The following NEDD9 variants were observed in gnomAD, a reference collection of about 807,000 sequenced individuals.
NEDD9 encodes neural precursor cell expressed, developmentally down-regulated 9.
Under a neutral mutation model 76.6 loss-of-function variants are expected in NEDD9, and 26 were observed. The observed-to-expected ratio is 0.34, with a 90% CI of 0.25 to 0.47. The LOEUF (loss-of-function observed/expected upper bound fraction) is 0.47. Ranked by LOEUF, NEDD9 falls within the 20% of genes least tolerant of loss-of-function variation. The pLI is 1.00. For missense variants in NEDD9, 937 were observed against 1,058.5 expected (o/e 0.89, Z 1.59); for synonymous variants, 392 against 414.2 (o/e 0.95, Z 0.65).
chr6:11,255,259 T>G (rs1759980708), intron 3 of NEDD9, among the ~76,000 whole-genome samples: 1 of 152,216 alleles, frequency 6.6e-6, no homozygotes, highest in Non-Finnish European at 1.5e-5. Context: ...TAAGAATGTG[T>G]GGTCGGAGGG....
rs377437855 is a variant in NEDD9, at chr6:11,185,709, G to A, written c.1996-38C>T. 31 of 1,606,140 alleles carry A rather than the reference G, an allele frequency of 1.9e-5. No individual in the cohort carries two copies. The African/African-American group carries it at 4.0e-4, about 21-fold the overall frequency. On this transcript the variant is annotated intron_variant, in intron 6 of 6. Coordinates refer to ENST00000379446, the MANE Select transcript of NEDD9 (RefSeq NM_006403.4). ...CGAAAGCAGATCTCATTAGAGCAAG[G>A]GAGTGTGTTGCAATGGAAATTCACT... is the stretch of plus-strand genomic sequence containing the variant.
chr6:11,200,697 C>A (rs1327427662), intron 2 of NEDD9: 15 of 1,290,744 alleles, frequency 1.2e-5, no homozygotes, highest in Non-Finnish European at 1.5e-5. Context: ...ATCTACGAGG[C>A]AGTGAGAATT....
At chr6:11,228,310 C>G (rs1759368901) in intron 1 of NEDD9, among the ~76,000 whole-genome samples, 1 of 152,122 alleles carries the variant, frequency 6.6e-6, no homozygotes, top group Non-Finnish European at 1.5e-5. Flanking sequence ...GCAGGTGGAT[C>G]ACCTGAGGTC....
intron 1 of NEDD9, among the ~76,000 whole-genome samples, chr6:11,348,934 T>C (rs567487898): frequency 6.6e-6 from 1 of 152,286 alleles, no homozygotes; most frequent in South Asian, 2.1e-4. Context: ...GGGATCTAAT[T>C]AAACTAATGA....
chr6:11,303,140 C>T (rs1283970844), intron 3 of NEDD9, among the ~76,000 whole-genome samples: 7 of 152,188 alleles, frequency 4.6e-5, no homozygotes, highest in Non-Finnish European at 8.8e-5. Flanking sequence ...CCAAAATCTC[C>T]TTAAGCTAAT....
intron 2 of NEDD9, among the ~76,000 whole-genome samples, chr6:11,210,766 G>GGAGGGA (rs1554125282): frequency 4.8e-4 from 58 of 121,928 alleles, no homozygotes; most frequent in African/African-American, 1.9e-3. Context: ...AGGGATGGGG[G>GGAGGGA]GAGAGAGAGA....
chr6:11,242,365 A>G (rs1019605996), intron 3 of NEDD9, among the ~76,000 whole-genome samples: 1 of 152,116 alleles, frequency 6.6e-6, no homozygotes, highest in Non-Finnish European at 1.5e-5. Context: ...GGAGTGTTGC[A>G]AGGGTGTTCT....
chr6:11,289,393 G>A (rs575409619), intron 3 of NEDD9, among the ~76,000 whole-genome samples: 16 of 152,264 alleles, frequency 1.1e-4, no homozygotes, highest in Non-Finnish European at 1.9e-4. Context: ...ATTTTATGTG[G>A]TAATATTCAG....
At chr6:11,204,276 T>C in intron 2 of NEDD9, among the ~76,000 whole-genome samples, 1 of 152,240 alleles carries the variant, frequency 6.6e-6, no homozygotes, top group Non-Finnish European at 1.5e-5. Flanking sequence ...AGAAATTTAC[T>C]ACTTTTATAA....
intron 2 of NEDD9, among the ~76,000 whole-genome samples, chr6:11,316,287 A>G (rs1761558197): frequency 6.6e-6 from 1 of 152,182 alleles, no homozygotes; most frequent in Non-Finnish European, 1.5e-5. Context: ...GTTTGCTTTG[A>G]GGAAAGTCAG....
chr6:11,364,280 C>A (rs1762724864), intron 1 of NEDD9, among the ~76,000 whole-genome samples: 1 of 152,122 alleles, frequency 6.6e-6, no homozygotes, highest in Non-Finnish European at 1.5e-5. Flanking sequence ...GTGTGACTCC[C>A]CTAGGAGAGG....
intron 1 of NEDD9, among the ~76,000 whole-genome samples, chr6:11,337,140 C>A (rs974543307): frequency 1.3e-5 from 2 of 152,168 alleles, no homozygotes; most frequent in African/African-American, 4.8e-5. Context: ...ATCTCTTGAA[C>A]CCAGGAGGCG....
At chr6:11,338,825 G>A (rs931637668) in intron 1 of NEDD9, among the ~76,000 whole-genome samples, 3 of 151,716 alleles carry the variant, frequency 2.0e-5, no homozygotes, top group Non-Finnish European at 4.4e-5. Context: ...GGGAGGCTGA[G>A]GCAGGAGAAT....
At chr6:11,380,059 C>T (rs1277557753) in intron 1 of NEDD9, among the ~76,000 whole-genome samples, 16 of 152,220 alleles carry the variant, frequency 1.1e-4, no homozygotes. Context: ...CATGCTGTGC[C>T]TGTGCCCTTT....
chr6:11,189,653 T>C (rs1420405942), intron 5 of NEDD9, among the ~76,000 whole-genome samples: 2 of 152,148 alleles, frequency 1.3e-5, no homozygotes, highest in African/African-American at 4.8e-5. Flanking sequence ...TTACCTGAGG[T>C]ATATCAACGG....
chr6:11,275,232 G>A (rs907681086), intron 3 of NEDD9, among the ~76,000 whole-genome samples: 1 of 152,162 alleles, frequency 6.6e-6, no homozygotes, highest in African/African-American at 2.4e-5. Context: ...AGGTGGTTAT[G>A]AGAGGCTAAG....
chr6:11,364,457 AG>A (rs1762728743), intron 1 of NEDD9, among the ~76,000 whole-genome samples: 1 of 152,154 alleles, frequency 6.6e-6, no homozygotes, highest in Non-Finnish European at 1.5e-5. Flanking sequence ...TTCCCCCCAA[AG>A]GTGTGTGACA....
intron 1 of NEDD9, among the ~76,000 whole-genome samples, chr6:11,350,887 G>A (rs919236331): frequency 1.7e-4 from 26 of 152,178 alleles, no homozygotes; most frequent in African/African-American, 5.3e-4. Flanking sequence ...TCAGAAAGGC[G>A]TCTTGACAGA....
intron 1 of NEDD9, among the ~76,000 whole-genome samples, chr6:11,372,610 A>G (rs573731229): frequency 5.9e-5 from 9 of 152,268 alleles, no homozygotes; most frequent in Admixed American, 2.6e-4. Flanking sequence ...TTACATTCCC[A>G]CTAACAGTAT....
Sources: gnomAD v4.1 joint callset for allele counts (sites outside exome capture counted in the v4.1 genomes callset) on GRCh38, gnomAD v4.1.1 for gene constraint, MANE v1.5 for transcripts, NCBI Gene and HGNC (gene_info 2026-07-23, HGNC 2026-07-21) for gene names.